NRXN3: variants seen among roughly 807,000 people sequenced by gnomAD.
The protein encoded by NRXN3 is neurexin III.
A neutral mutation model predicts 137.6 loss-of-function variants in NRXN3; 32 were observed. The observed-to-expected ratio is 0.23, with a 90% CI of 0.18 to 0.31. NRXN3 has a LOEUF of 0.31. Among genes scored for constraint, NRXN3 ranks in the 10% least tolerant of loss-of-function variants. The pLI is 1.00. For synonymous variants in NRXN3, 798 were observed against 784.5 expected, an observed-to-expected ratio of 1.02 and a Z score of -0.29; for missense variants, 1,574 against 2,062.5, an observed-to-expected ratio of 0.76 and a Z score of 4.59.
intron 19 of NRXN3, among the ~76,000 whole-genome samples, chr14:79,728,341 A>C (rs115715489): frequency 2.0e-5 from 3 of 152,120 alleles, no homozygotes; most frequent in African/African-American, 7.2e-5. Context: ...CATTTTCAGC[A>C]TGGGGTTAGG....
At chr14:78,675,173 G>A (rs748024539) in intron 6 of NRXN3, among the ~76,000 whole-genome samples, 3 of 152,112 alleles carry the variant, frequency 2.0e-5, no homozygotes, top group Admixed American at 6.6e-5. Context: ...CTAAATAAGA[G>A]GCAGAATTGG....
In NRXN3 at chr14:78,883,136, T is replaced by C. The variant is rs540007946; in HGVS notation, c.2275+72792T>C. On this transcript the variant is annotated intron_variant, in intron 10 of 20. Coordinates refer to ENST00000335750, the MANE Select transcript of NRXN3 (RefSeq NM_001330195.2). ...TCCAGCCCTGGTGAACTGGAGTCCA[T>C]GAAAGATCTTTCCTTTATAAATTAC... Among the ~76,000 whole-genome samples the C allele has an allele frequency of 8.8e-4, 134 of 152,292 alleles. 1 individual carries two copies. Among genetic ancestry groups the C allele is most frequent in the African/African-American group, 3.1e-3 (129 of 41,570 alleles).
intron 1 of NRXN3, among the ~76,000 whole-genome samples, chr14:78,235,026 G>GTATATATATATATATATATATA (rs377371263): frequency 1.4e-4 from 12 of 87,310 alleles, no homozygotes; most frequent in African/African-American, 4.9e-4. Flanking sequence ...ATATATATGT[G>GTATATATATATATATATATATA]TATATATATA....
At chr14:78,408,234 A>G (rs1197149642) in intron 4 of NRXN3, among the ~76,000 whole-genome samples, 1 of 152,244 alleles carries the variant, frequency 6.6e-6, no homozygotes, top group East Asian at 1.9e-4. Context: ...TCATTTTACC[A>G]TCCTCATTTT....
chr14:79,273,172 C>CAAAAAA (rs1163073631), intron 15 of NRXN3, among the ~76,000 whole-genome samples: 1 of 20,752 alleles, frequency 4.8e-5, no homozygotes, highest in African/African-American at 2.8e-4. Context: ...ACTCTGTGGC[C>CAAAAAA]AAAAAAAAAA....
chr14:78,451,918 C>G (rs17107644), intron 4 of NRXN3, among the ~76,000 whole-genome samples: 3 of 152,134 alleles, frequency 2.0e-5, no homozygotes. Flanking sequence ...TAGTGTTGTC[C>G]TTTTCACATT....
chr14:78,832,152 C>A (rs1173762118), intron 10 of NRXN3, among the ~76,000 whole-genome samples: 1 of 151,872 alleles, frequency 6.6e-6, no homozygotes, highest in Non-Finnish European at 1.5e-5. Context: ...ATGCAAGAGA[C>A]AAATTCAAGA....
At chr14:79,366,980 CTTT>C (rs71131695) in intron 15 of NRXN3, among the ~76,000 whole-genome samples, 1 of 113,196 alleles carries the variant, frequency 8.8e-6, no homozygotes, top group Non-Finnish European at 1.8e-5. Flanking sequence ...GTCCCTTAGT[CTTT>C]TTTTTTTTTT....
At chr14:78,459,404 G>A (rs1255875512) in intron 4 of NRXN3, among the ~76,000 whole-genome samples, 4 of 152,172 alleles carry the variant, frequency 2.6e-5, no homozygotes, top group Admixed American at 6.5e-5. Flanking sequence ...AGAGATGTTG[G>A]TTGAATGCAA....
intron 15 of NRXN3, among the ~76,000 whole-genome samples, chr14:79,375,174 A>G (rs554043293): frequency 6.6e-6 from 1 of 150,570 alleles, no homozygotes; most frequent in South Asian, 2.1e-4. Context: ...TTAAAACCTG[A>G]TTCCTCCAGT....
chr14:78,786,655 T>C (rs2098790176), intron 8 of NRXN3, among the ~76,000 whole-genome samples: 1 of 152,184 alleles, frequency 6.6e-6, no homozygotes, highest in Non-Finnish European at 1.5e-5. Flanking sequence ...AGTGTTGTAA[T>C]AGCATATATT....
At chr14:79,114,218 A>G (rs924070586) in intron 15 of NRXN3, among the ~76,000 whole-genome samples, 2 of 152,222 alleles carry the variant, frequency 1.3e-5, no homozygotes, top group African/African-American at 4.8e-5. Context: ...TAGTGGGTAG[A>G]GGCCAGGGGT....
At chr14:78,861,511 G>A (rs2099072244) in intron 10 of NRXN3, among the ~76,000 whole-genome samples, 2 of 152,026 alleles carry the variant, frequency 1.3e-5, no homozygotes, top group Non-Finnish European at 1.5e-5. Context: ...CTGTTAACAT[G>A]AGCATCAAAG....
intron 4 of NRXN3, among the ~76,000 whole-genome samples, chr14:78,565,623 T>C (rs1215107545): frequency 2.6e-5 from 4 of 152,226 alleles, no homozygotes; most frequent in African/African-American, 4.8e-5. Flanking sequence ...GTCTACCTTA[T>C]AAGGTTGCTA....
At chr14:78,300,858 C>T (rs2076802615) in intron 4 of NRXN3, among the ~76,000 whole-genome samples, 1 of 152,178 alleles carries the variant, frequency 6.6e-6, no homozygotes, top group Non-Finnish European at 1.5e-5. Flanking sequence ...TATCATTTCC[C>T]TTCAGTGCAT....
At chr14:78,956,216 T>G (rs1364728655) in intron 10 of NRXN3, among the ~76,000 whole-genome samples, 1 of 152,210 alleles carries the variant, frequency 6.6e-6, no homozygotes, top group Non-Finnish European at 1.5e-5. Flanking sequence ...TGAGCTCAGC[T>G]ATCCTCCTAC....
chr14:78,268,051 C>G (rs1002659562), intron 2 of NRXN3, among the ~76,000 whole-genome samples: 1 of 152,134 alleles, frequency 6.6e-6, no homozygotes, highest in Non-Finnish European at 1.5e-5. Context: ...CTGAGAATCC[C>G]AAAGCCAGCC....
chr14:79,476,361 C>T (rs1223356603), intron 16 of NRXN3, among the ~76,000 whole-genome samples: 1 of 152,048 alleles, frequency 6.6e-6, no homozygotes, highest in Non-Finnish European at 1.5e-5. Context: ...CTGTCATTTC[C>T]TGGCCTGCGA....
At chr14:79,030,635 C>CTTTTTTTTTTTTT in intron 15 of NRXN3, among the ~76,000 whole-genome samples, 49 of 54,244 alleles carry the variant, frequency 9.0e-4, no homozygotes, top group Middle Eastern at 0.017. Flanking sequence ...TTCTCTGTGT[C>CTTTTTTTTTTTTT]TTTTTTTTTT....
Sources: gnomAD v4.1 joint callset for allele counts (sites outside exome capture counted in the v4.1 genomes callset) on GRCh38, gnomAD v4.1.1 for gene constraint, MANE v1.5 for transcripts, NCBI Gene and HGNC (gene_info 2026-07-23, HGNC 2026-07-21) for gene names.